The following KIF1B variants were observed in gnomAD, a reference collection of about 807,000 sequenced individuals.
KIF1B encodes kinesin family member 1B.
Under a neutral mutation model 241.9 loss-of-function variants are expected in KIF1B, and 76 were observed. The ratio of observed to expected loss-of-function variants is 0.31; its 90% confidence interval spans 0.26 to 0.38. The LOEUF (loss-of-function observed/expected upper bound fraction) is 0.38, where lower values mean the gene tolerates loss of function less well. KIF1B is among the 10% of genes least tolerant of loss of function. KIF1B has a pLI of 1.00. For synonymous variants in KIF1B, 750 were observed against 796.7 expected, an observed-to-expected ratio of 0.94 and a Z score of 0.99; for missense variants, 1,622 against 2,271.4, an observed-to-expected ratio of 0.71 and a Z score of 5.81.
intron 10 of KIF1B, among the ~76,000 whole-genome samples, chr1:10,273,620 A>G (rs1001267096): frequency 6.8e-6 from 1 of 146,356 alleles, no homozygotes; most frequent in African/African-American, 2.5e-5. Context: ...GTCTGTGGGT[A>G]GAGTGGAATG....
chr1:10,255,463 G>A (rs113726578), intron 2 of KIF1B, among the ~76,000 whole-genome samples: 2,462 of 152,212 alleles, frequency 0.016, 29 homozygotes, highest in Middle Eastern at 0.031. Flanking sequence ...AGTGGTGGAT[G>A]CCAGTAATCC....
intron 27 of KIF1B, among the ~76,000 whole-genome samples, chr1:10,333,420 G>A (rs537689210): frequency 1.4e-4 from 21 of 152,112 alleles, no homozygotes; most frequent in Admixed American, 5.2e-4. Flanking sequence ...GGCCAGGCGC[G>A]GTGGCTCACG....
At position 10,225,033 on chromosome 1, in the gene KIF1B, ACT is replaced by A. The variant is rs373795512; in HGVS notation, c.-79-7214_-79-7213del. On this transcript the variant is annotated intron_variant, in intron 1 of 48. Transcript: ENST00000676179. ...ACAGTAATGTTTGCACTTCTATGAA[ACT>A]CTGATGCCATCGCTGATCTCACAGG... Among the ~76,000 whole-genome samples the A allele has an allele frequency of 4.6e-4, 70 of 152,034 alleles. No homozygotes were observed. The East Asian group carries it at 0.012, about 26-fold the overall frequency.
In KIF1B at chr1:10,326,160, C is replaced by G; in HGVS notation, c.2725C>G (p.Pro909Ala). 1.9e-6 allele frequency: 3 copies of G among 1,614,162 alleles called. No homozygotes were observed. Among genetic ancestry groups the G allele is most frequent in the Non-Finnish European group, 2.5e-6 (3 of 1,180,024 alleles). The change falls in exon 27 of 49, where the codon CCC (proline) becomes GCC (alanine). Residue 909 changes from proline to alanine, a missense_variant. Coordinates refer to ENST00000676179, the MANE Select transcript of KIF1B (RefSeq NM_001365951.3). The surrounding 1 kb of genome is among the most constrained non-coding windows in gnomAD (Gnocchi z 5.2). ...GAACGAGCGCCTTGCCGACCGCACACCCTCCCCCACTTTTTCCACGGCCGA... is the reference window on the plus strand; with the variant it reads ...GAACGAGCGCCTTGCCGACCGCACAGCCTCCCCCACTTTTTCCACGGCCGA... Reference protein sequence around the residue: ...CVNERLADRTPSPTFSTADSD... With the variant: ...CVNERLADRTASPTFSTADSD...
At chr1:10,316,308 G>A (rs1303061063) in intron 22 of KIF1B, among the ~76,000 whole-genome samples, 1 of 151,572 alleles carries the variant, frequency 6.6e-6, no homozygotes, top group Non-Finnish European at 1.5e-5. Flanking sequence ...GACATAAAAT[G>A]TCAGTTTGTC....
chr1:10,259,945 G>A (rs1648032117), intron 4 of KIF1B, among the ~76,000 whole-genome samples: 1 of 151,804 alleles, frequency 6.6e-6, no homozygotes, highest in South Asian at 2.1e-4. Context: ...CACTGTGCGG[G>A]GCCTAAAAAC....
At chr1:10,238,073 G>C (rs1647081646) in intron 2 of KIF1B, among the ~76,000 whole-genome samples, 1 of 151,952 alleles carries the variant, frequency 6.6e-6, no homozygotes, top group Admixed American at 6.6e-5. Flanking sequence ...ATTTGGAAAG[G>C]AAGAGTTTAG....
intron 2 of KIF1B, among the ~76,000 whole-genome samples, chr1:10,251,703 C>T (rs1232231752): frequency 6.6e-6 from 1 of 151,140 alleles, no homozygotes; most frequent in African/African-American, 2.4e-5. Context: ...CATTGCACTC[C>T]AGCCTGGGCA....
chr1:10,326,242 A>T lies in KIF1B; in HGVS notation c.2807A>T (p.Asp936Val). The T allele has an allele frequency of 6.2e-7, 1 of 1,614,114 alleles. No homozygotes were observed. The highest frequency in any genetic ancestry group is 8.5e-7 in the Non-Finnish European group (1 of 1,180,000). The change falls in exon 27 of 49, where the codon GAT becomes GTT. Residue 936 changes from aspartate (D) to valine (V), a missense_variant. Asp to Val is a radical substitution (Grantham distance 152). Around this residue, in one of 7 missense-constraint regions of KIF1B, gnomAD observed 803 missense variants for 1,112.0 expected, o/e 0.72. Coordinates refer to ENST00000676179, the MANE Select transcript of KIF1B (RefSeq NM_001365951.3). The surrounding 1 kb of genome is among the most constrained non-coding windows in gnomAD (Gnocchi z 5.2). ...EQQDEMEDFD[D>V]EAFVDDAGSD... ...CAAGATGAGATGGAGGATTTTGATG[A>T]TGAGGCATTCGTGGATGACGCCGGC...
At chr1:10,306,631 G>A (rs1650839173) in intron 22 of KIF1B, 2 of 558,438 alleles carry the variant, frequency 3.6e-6, no homozygotes, top group Non-Finnish European at 4.8e-6. Flanking sequence ...ACTTGCATCA[G>A]GACGGGTGAA....
chr1:10,378,638 G>C lies in KIF1B; in HGVS notation c.*2051G>C, dbSNP rs940639374. On this transcript the variant is annotated 3_prime_UTR_variant, in exon 49 of 49. Transcript: ENST00000676179. ...ATGACTTCCCGCTTCACGCAGCAAA[G>C]GCCAGGGGCTTGCGCGCCTCTGCAG... 4 of 565,566 alleles carry C rather than the reference G, an allele frequency of 7.1e-6. No individual in the cohort carries two copies. In the African/African-American group the frequency reaches 7.5e-5, roughly 11 times the overall value. The allele number at this position is 565,566 out of a possible 1,614,324, so 35.0% of individuals were successfully genotyped here. A position where few individuals can be genotyped will look rare whatever the true frequency, so the allele number is the denominator to read the frequency against.
At chr1:10,270,993 A>T (rs1018895937) in intron 7 of KIF1B, among the ~76,000 whole-genome samples, 2 of 151,856 alleles carry the variant, frequency 1.3e-5, no homozygotes, top group Admixed American at 1.3e-4. Context: ...ACCATTTTAC[A>T]TTCCCACCAG....
chr1:10,349,784 T>G (rs1232676861), intron 37 of KIF1B, among the ~76,000 whole-genome samples: 5 of 152,176 alleles, frequency 3.3e-5, no homozygotes, highest in African/African-American at 1.2e-4. Context: ...GGCAAGAGTT[T>G]GGAACTTTTG....
intron 34 of KIF1B, 43 bp from the exon 35 acceptor site, chr1:10,345,802 A>T: frequency 7.1e-7 from 1 of 1,399,842 alleles, no homozygotes. Context: ...TTTGCTGAGT[A>T]GTCTTGGACC....
chr1:10,278,129 G>A lies in KIF1B; in HGVS notation c.1180+1G>A. On this transcript the variant is annotated splice_donor_variant, in intron 13 of 48. Coordinates refer to ENST00000676179, the MANE Select transcript of KIF1B (RefSeq NM_001365951.3). LOFTEE classifies it high-confidence loss of function. ...CAGGGCCTGGGAGATATTATTGATA[G>A]TAAGTGAATTAAGGATCGTTACAAA... 6.2e-7 allele frequency: 1 copy of A among 1,613,704 alleles called. No homozygotes were observed. The highest frequency in any genetic ancestry group is 8.5e-7 in the Non-Finnish European group (1 of 1,179,642).
Position 10,303,274 on chromosome 1 carries a change from G to A in KIF1B, c.2115+6028G>A. ...ACCTCCCAGCAAGTTGCAAACCATT[G>A]TTAAAAAATGTGGCCTCCCAAGCAG... On this transcript the variant is annotated intron_variant, in intron 22 of 48. Transcript: ENST00000676179. This position sits in a 1 kb window ranked among gnomAD's most constrained non-coding sequence, Gnocchi z 5.2. 6.2e-7 allele frequency: 1 copy of A among 1,614,148 alleles called. No homozygotes were observed. The highest frequency in any genetic ancestry group is 8.5e-7 in the Non-Finnish European group (1 of 1,180,030).
intron 12 of KIF1B, 55 bp from the exon 13 acceptor site, chr1:10,277,931 A>G: frequency 6.7e-7 from 1 of 1,485,908 alleles, no homozygotes; most frequent in Non-Finnish European, 9.4e-7. Context: ...TATGTTACTT[A>G]TGAGAAGTAG....
intron 2 of KIF1B, among the ~76,000 whole-genome samples, chr1:10,244,675 T>C (rs1273923939): frequency 3.4e-5 from 5 of 146,488 alleles, no homozygotes; most frequent in African/African-American, 1.0e-4. Context: ...TGCAGTGGCG[T>C]GATCTCTGCT....
chr1:10,216,952 A>ATTTTTTTT (rs1557641590), intron 1 of KIF1B, among the ~76,000 whole-genome samples: 1 of 73,808 alleles, frequency 1.4e-5, no homozygotes, highest in African/African-American at 5.3e-5. Context: ...GTACTTGCCC[A>ATTTTTTTT]TTTTCTTTTT....
Sources: gnomAD v4.1 joint callset for allele counts (sites outside exome capture counted in the v4.1 genomes callset) on GRCh38, gnomAD v4.1.1 for gene constraint, gnomAD v4.1.1 regional missense constraint, Gnocchi (gnomAD v3.1) non-coding constraint, MANE v1.5 for transcripts, NCBI Gene and HGNC (gene_info 2026-07-23, HGNC 2026-07-21) for gene names.